The following AFG1L variants were observed in gnomAD, a reference collection of about 807,000 sequenced individuals.
AFG1L encodes AFG1 like ATPase, also known as AFG1-like ATPase.
In AFG1L, 53 loss-of-function variants were observed where a neutral mutation model predicts 62.2. The observed-to-expected ratio is 0.85, with a 90% CI of 0.68 to 1.07. The LOEUF (loss-of-function observed/expected upper bound fraction) is 1.07. AFG1L is among the 50% of genes least tolerant of loss of function. The probability of loss-of-function intolerance (pLI) is 0.00; values close to 1 mark genes in which losing one functional copy is unlikely to be tolerated. For synonymous variants in AFG1L, 228 were observed against 210.3 expected (o/e 1.08, Z -0.73); for missense variants, 555 against 590.5 (o/e 0.94, Z 0.62).
At chr6:108,343,331 A>G in intron 2 of AFG1L, among the ~76,000 whole-genome samples, 1 of 149,760 alleles carries the variant, frequency 6.7e-6, no homozygotes, top group East Asian at 2.0e-4. Flanking sequence ...TTCAGGTGTG[A>G]GCCACCACGC....
chr6:108,452,727 G>C (rs969285156), intron 8 of AFG1L, among the ~76,000 whole-genome samples: 3 of 152,194 alleles, frequency 2.0e-5, no homozygotes, highest in Admixed American at 6.5e-5. Context: ...ATAGCAGTAT[G>C]AGCATTAGCA....
At chr6:108,469,170 G>A (rs1367577612) in intron 8 of AFG1L, among the ~76,000 whole-genome samples, 1 of 152,014 alleles carries the variant, frequency 6.6e-6, no homozygotes, top group Non-Finnish European at 1.5e-5. Flanking sequence ...AAGGTGGCTG[G>A]TCATGTTTTT....
chr6:108,517,262 G>C (rs1024639613), intron 11 of AFG1L, among the ~76,000 whole-genome samples: 5 of 152,108 alleles, frequency 3.3e-5, no homozygotes, highest in African/African-American at 1.2e-4. Context: ...ATACTACAAG[G>C]CTGCAGTAAC....
chr6:108,399,178 G>GTTTTTTTTTTTTTTTTTTT (rs57304886), intron 6 of AFG1L, among the ~76,000 whole-genome samples: 1 of 62,206 alleles, frequency 1.6e-5, no homozygotes, highest in Non-Finnish European at 2.7e-5. Flanking sequence ...TCTTTTGTTT[G>GTTTTTTTTTTTTTTTTTTT]TTTTTTTTTT....
At chr6:108,441,501 G>A (rs959931342) in intron 7 of AFG1L, among the ~76,000 whole-genome samples, 4 of 151,744 alleles carry the variant, frequency 2.6e-5, no homozygotes, top group Non-Finnish European at 5.9e-5. Context: ...GATTAGTGTT[G>A]TATATTAGAA....
chr6:108,362,725 C>G (rs1172090507), intron 5 of AFG1L, among the ~76,000 whole-genome samples: 3 of 152,184 alleles, frequency 2.0e-5, no homozygotes, highest in African/African-American at 7.2e-5. Flanking sequence ...AAGTCCAGCA[C>G]TAATGCTCTT....
chr6:108,314,451 C>G (rs1777518176), intron 1 of AFG1L, among the ~76,000 whole-genome samples: 1 of 148,912 alleles, frequency 6.7e-6, no homozygotes, highest in African/African-American at 2.5e-5. Context: ...GGCTGGAGTG[C>G]TGTGGTGCGA....
Position 108,379,000 on chromosome 6 carries a change from C to CTTTTTTTTTTTT in AFG1L, c.748+12677_748+12688dup, listed in dbSNP as rs931030207. ...TGCTGCTCTTCTCCTTCTCCTTCTT[C>CTTTTTTTTTTTT]TTTTTTTTTTTTTTTTTTTTGGAGA... is the stretch of plus-strand genomic sequence containing the variant. On this transcript the variant is annotated intron_variant, in intron 6 of 12. Transcript: ENST00000368977. 1.6e-5 allele frequency among the ~76,000 whole-genome samples: 2 copies of CTTTTTTTTTTTT among 123,066 alleles called. 1 individual carries two copies. 80.7% of individuals were successfully genotyped at this position (123,066 alleles called of 152,430 possible).
chr6:108,447,201 G>C lies in AFG1L; in HGVS notation c.808-13G>C. 1 of 1,463,784 alleles carries C rather than the reference G, an allele frequency of 6.8e-7. No homozygotes were observed. Among genetic ancestry groups the C allele is most frequent in the South Asian group, 1.2e-5 (1 of 85,286 alleles). 90.7% of individuals were successfully genotyped at this position (1,463,784 alleles called of 1,614,324 possible). On this transcript the variant is annotated splice_polypyrimidine_tract_variant and intron_variant, in intron 7 of 12. Transcript: ENST00000368977. ...ACTTGTTTAAAAAGGCACTTCATTT[G>C]TTTGGATTGTAGGAATATTGTAATA...
intron 7 of AFG1L, among the ~76,000 whole-genome samples, chr6:108,426,316 A>G (rs1770814665): frequency 6.6e-6 from 1 of 152,126 alleles, no homozygotes; most frequent in Non-Finnish European, 1.5e-5. Context: ...TTGAAAAACT[A>G]ATTTTGCAAA....
chr6:108,445,469 C>T (rs1397569747), intron 7 of AFG1L, among the ~76,000 whole-genome samples: 1 of 152,106 alleles, frequency 6.6e-6, no homozygotes, highest in Non-Finnish European at 1.5e-5. Flanking sequence ...TCTGTTGTGG[C>T]TTTTGTCATA....
At chr6:108,515,328 A>G (rs1260816974) in intron 11 of AFG1L, among the ~76,000 whole-genome samples, 1 of 152,220 alleles carries the variant, frequency 6.6e-6, no homozygotes, top group Non-Finnish European at 1.5e-5. Flanking sequence ...TCAAACTAGA[A>G]CTCAGGATTA....
At chr6:108,313,047 G>A (rs932855858) in intron 1 of AFG1L, among the ~76,000 whole-genome samples, 9 of 152,116 alleles carry the variant, frequency 5.9e-5, no homozygotes, top group Non-Finnish European at 1.2e-4. Context: ...GAAGAGTATC[G>A]GGGAAGACTT....
chr6:108,389,529 C>T (rs1780949651), intron 6 of AFG1L, among the ~76,000 whole-genome samples: 1 of 152,134 alleles, frequency 6.6e-6, no homozygotes, highest in Admixed American at 6.6e-5. Flanking sequence ...TTGTTCCTTT[C>T]CATGTTTAGT....
chr6:108,325,937 T>C (rs572253206), intron 2 of AFG1L, among the ~76,000 whole-genome samples: 1 of 152,212 alleles, frequency 6.6e-6, no homozygotes, highest in East Asian at 1.9e-4. Context: ...CCACCATGCC[T>C]GGCTAATTTT....
intron 2 of AFG1L, among the ~76,000 whole-genome samples, chr6:108,339,824 ATACAGGCTTGC>A (rs1562094179): frequency 6.6e-6 from 1 of 152,132 alleles, no homozygotes; most frequent in Non-Finnish European, 1.5e-5. Context: ...AGATGTTTTG[ATACAGGCTTGC>A]AATGTGAAAT....
chr6:108,411,731 C>T (rs928328980), intron 7 of AFG1L, among the ~76,000 whole-genome samples: 4 of 152,178 alleles, frequency 2.6e-5, no homozygotes, highest in Non-Finnish European at 5.9e-5. Flanking sequence ...ACAGAAAGGA[C>T]ATCCACACCA....
chr6:108,310,174 C>T (rs543600077), intron 1 of AFG1L, among the ~76,000 whole-genome samples: 24 of 152,284 alleles, frequency 1.6e-4, no homozygotes, highest in African/African-American at 5.8e-4. Context: ...GGCTTTTGAC[C>T]TGGGGGAGAC....
At chr6:108,512,470 C>T (rs917533091) in intron 11 of AFG1L, among the ~76,000 whole-genome samples, 6 of 152,010 alleles carry the variant, frequency 3.9e-5, no homozygotes, top group South Asian at 2.1e-4. Context: ...TCCACAGACT[C>T]GACTCTACAG....
Sources: gnomAD v4.1 joint callset for allele counts (sites outside exome capture counted in the v4.1 genomes callset) on GRCh38, gnomAD v4.1.1 for gene constraint, MANE v1.5 for transcripts, NCBI Gene and HGNC (gene_info 2026-07-23, HGNC 2026-07-21) for gene names.